The following PRICKLE2 variants were observed in gnomAD, a reference collection of about 807,000 sequenced individuals.
PRICKLE2 encodes the protein prickle planar cell polarity protein 2.
A neutral mutation model predicts 81.4 loss-of-function variants in PRICKLE2; 21 were observed. That is an observed-to-expected ratio of 0.26 (90% CI 0.18 to 0.37). PRICKLE2 has a LOEUF of 0.37. Among genes scored for constraint, PRICKLE2 ranks in the 10% least tolerant of loss-of-function variants. The probability of loss-of-function intolerance (pLI) is 1.00; values close to 1 mark genes in which losing one functional copy is unlikely to be tolerated. For missense variants in PRICKLE2, 940 were observed against 1,109.0 expected (o/e 0.85, Z 2.16); for synonymous variants, 456 against 421.5 (o/e 1.08, Z -1.00).
intron 2 of PRICKLE2, among the ~76,000 whole-genome samples, chr3:64,235,642 G>T (rs912242941): frequency 2.0e-5 from 3 of 152,190 alleles, no homozygotes; most frequent in African/African-American, 7.2e-5. Flanking sequence ...TCCCTCCGGA[G>T]GGCCTGAGAC....
chr3:64,177,671 T>C (rs937867858), intron 2 of PRICKLE2, among the ~76,000 whole-genome samples: 1 of 152,244 alleles, frequency 6.6e-6, no homozygotes, highest in Admixed American at 6.5e-5. Flanking sequence ...TCATGCAATA[T>C]TCGTCCTTTG....
chr3:64,147,198 C>A lies in PRICKLE2; in HGVS notation c.1292G>T (p.Gly431Val). ...QCNIRTSYSP[G>V]GQGAGAQPEM... Reference sequence around the variant, plus strand: ...GGGCTGGGCCCCAGCCCCTTGCCCTCCTGGACTGTAGGAAGTTCTGATGTT... The same window carrying A: ...GGGCTGGGCCCCAGCCCCTTGCCCTACTGGACTGTAGGAAGTTCTGATGTT... The change falls in exon 7 of 8, where the codon GGA (glycine) becomes GTA (valine). Residue 431 changes from glycine to valine, a missense_variant. Coordinates refer to ENST00000638394, the MANE Select transcript of PRICKLE2 (RefSeq NM_198859.4). This position sits in a 1 kb window ranked among gnomAD's most constrained non-coding sequence, Gnocchi z 5.0. The A allele has an allele frequency of 6.2e-7, 1 of 1,612,774 alleles. No individual in the cohort carries two copies. The highest frequency in any genetic ancestry group is 8.5e-7 in the Non-Finnish European group (1 of 1,179,352).
intron 1 of PRICKLE2, among the ~76,000 whole-genome samples, chr3:64,205,113 A>AC (rs2078660230): frequency 1.3e-5 from 2 of 151,678 alleles, no homozygotes; most frequent in South Asian, 2.1e-4. Flanking sequence ...AAAAAAAAAA[A>AC]AAACATACAA....
At chr3:64,176,234 G>C (rs112214650) in intron 2 of PRICKLE2, among the ~76,000 whole-genome samples, 105 of 152,266 alleles carry the variant, frequency 6.9e-4, no homozygotes, top group African/African-American at 2.5e-3. Flanking sequence ...ATACAATCAG[G>C]TTCCGTTATT....
intron 2 of PRICKLE2, among the ~76,000 whole-genome samples, chr3:64,181,284 G>T (rs1303592851): frequency 6.6e-6 from 1 of 152,084 alleles, no homozygotes; most frequent in Non-Finnish European, 1.5e-5. Flanking sequence ...GCCAACAATT[G>T]TGAGAGACAA....
chr3:64,215,922 GTTAA>G (rs2078864701), intron 1 of PRICKLE2, among the ~76,000 whole-genome samples: 2 of 152,238 alleles, frequency 1.3e-5, no homozygotes, highest in Admixed American at 1.3e-4. Context: ...TCAAAAGGTT[GTTAA>G]ACTGTTGAGT....
chr3:64,128,145 A>C (rs1575568864), intron 7 of PRICKLE2, among the ~76,000 whole-genome samples: 1 of 152,092 alleles, frequency 6.6e-6, no homozygotes, highest in Admixed American at 6.5e-5. Flanking sequence ...TGGCAGGAGG[A>C]GTCACAGTGT....
At chr3:64,250,372 A>G (rs1260530705) in intron 2 of PRICKLE2, among the ~76,000 whole-genome samples, 1 of 152,220 alleles carries the variant, frequency 6.6e-6, no homozygotes, top group Admixed American at 6.5e-5. Flanking sequence ...GTCTCCAGAC[A>G]TTACCAAATG....
At chr3:64,145,444 T>TCCA (rs2077433767) in intron 7 of PRICKLE2, 1 of 151,546 alleles carries the variant, frequency 6.6e-6, no homozygotes, top group South Asian at 2.1e-4. Context: ...CAGGCTGGTC[T>TCCA]CCAACTCCTG....
At chr3:64,232,696 A>C (rs1222402215) in intron 2 of PRICKLE2, among the ~76,000 whole-genome samples, 1 of 152,148 alleles carries the variant, frequency 6.6e-6, no homozygotes. Context: ...CTGATGACTC[A>C]AGGCGAGACC....
upstream of PRICKLE2, among the ~76,000 whole-genome samples, chr3:64,228,888 A>G (rs562534556): frequency 2.0e-5 from 3 of 152,362 alleles, no homozygotes; most frequent in African/African-American, 7.2e-5. Context: ...AGGACAAGGA[A>G]GACAAAATTA....
At chr3:64,248,630 T>C (rs1575712346) in intron 2 of PRICKLE2, among the ~76,000 whole-genome samples, 1 of 150,334 alleles carries the variant, frequency 6.7e-6, no homozygotes, top group African/African-American at 2.5e-5. Flanking sequence ...TTTGATATCA[T>C]ATATTTAAAC....
chr3:64,243,991 A>G (rs2079308660), intron 2 of PRICKLE2, among the ~76,000 whole-genome samples: 1 of 152,198 alleles, frequency 6.6e-6, no homozygotes, highest in Admixed American at 6.5e-5. Flanking sequence ...AATTTGTGGC[A>G]GCCAAATTAT....
chr3:64,202,831 T>A (rs1221502148), intron 1 of PRICKLE2, among the ~76,000 whole-genome samples: 2 of 152,154 alleles, frequency 1.3e-5, no homozygotes, highest in African/African-American at 4.8e-5. Context: ...AGGGTGGACA[T>A]CTTTGTTGTG....
intron 2 of PRICKLE2, among the ~76,000 whole-genome samples, chr3:64,243,129 C>T (rs2079293121): frequency 1.3e-5 from 2 of 152,156 alleles, no homozygotes; most frequent in East Asian, 3.8e-4. Context: ...TGTGCAAAAA[C>T]TCTAAAAACA....
chr3:64,208,287 G>A (rs1211547800), intron 1 of PRICKLE2, among the ~76,000 whole-genome samples: 1 of 152,120 alleles, frequency 6.6e-6, no homozygotes, highest in Non-Finnish European at 1.5e-5. Context: ...AGATAATCCT[G>A]CCTTGAACAG....
At chr3:64,186,862 C>T (rs1575636413) in intron 2 of PRICKLE2, among the ~76,000 whole-genome samples, 1 of 152,162 alleles carries the variant, frequency 6.6e-6, no homozygotes, top group African/African-American at 2.4e-5. Flanking sequence ...CATCTTGATA[C>T]TACATTAACT....
upstream of PRICKLE2, among the ~76,000 whole-genome samples, chr3:64,226,386 T>C (rs2079032780): frequency 6.6e-6 from 1 of 152,212 alleles, no homozygotes; most frequent in Non-Finnish European, 1.5e-5. Flanking sequence ...AAATCCTGCC[T>C]TTCCTTCCTG....
intron 2 of PRICKLE2, among the ~76,000 whole-genome samples, chr3:64,185,568 A>G (rs775166630): frequency 6.6e-6 from 1 of 152,178 alleles, no homozygotes; most frequent in African/African-American, 2.4e-5. Context: ...TGTGCCATCC[A>G]TCTGGATGTT....
Sources: gnomAD v4.1 joint callset for allele counts (sites outside exome capture counted in the v4.1 genomes callset) on GRCh38, gnomAD v4.1.1 for gene constraint, Gnocchi (gnomAD v3.1) non-coding constraint, MANE v1.5 for transcripts, NCBI Gene and HGNC (gene_info 2026-07-23, HGNC 2026-07-21) for gene names.